The following CRMP1 variants were observed in gnomAD, a reference collection of about 807,000 sequenced individuals.
CRMP1 encodes collapsin response mediator protein 1.
CRMP1 carries 19 observed loss-of-function variants against 68.3 expected under a neutral mutation model. That is an observed-to-expected ratio of 0.28 (90% CI 0.19 to 0.41). The LOEUF is 0.41. Ranked by LOEUF, CRMP1 falls within the 10% of genes least tolerant of loss-of-function variation. The pLI, the probability that CRMP1 is intolerant of heterozygous loss-of-function variation, is 1.00. For synonymous variants in CRMP1, 439 were observed against 399.6 expected (o/e 1.10, Z -1.18); for missense variants, 791 against 967.4 (o/e 0.82, Z 2.42).
At position 5,841,285 on chromosome 4, in the gene CRMP1, A is replaced by G. The variant is rs1391570422; in HGVS notation, c.1153+23T>C. ...CCTTCCAGGCCCCAGCTGCCCCCAG[A>G]AGGCCCAGGGCCGGCTGCATACCTT... is the stretch of plus-strand genomic sequence containing the variant. On this transcript the variant is annotated intron_variant, in intron 8 of 13. Transcript: ENST00000324989. This position sits in a 1 kb window ranked among gnomAD's most constrained non-coding sequence, Gnocchi z 6.9. 1.2e-6 allele frequency: 2 copies of G among 1,613,752 alleles called. No individual in the cohort carries two copies. The highest frequency in any genetic ancestry group is 3.3e-5 in the Admixed American group (2 of 60,014).
chr4:5,842,623 C>A lies in CRMP1; in HGVS notation c.1032+470G>T, dbSNP rs1406449836. Reference sequence around the variant, plus strand: ...TCACACACACACACACACACTCACTCACACACACACACACGCACTGTCTCT... The same window carrying A: ...TCACACACACACACACACACTCACTAACACACACACACACGCACTGTCTCT... On this transcript the variant is annotated intron_variant, in intron 7 of 13. Coordinates refer to ENST00000324989, the MANE Select transcript of CRMP1 (RefSeq NM_001014809.3). The surrounding 1 kb of genome is among the most constrained non-coding windows in gnomAD (Gnocchi z 4.5). Among the ~76,000 whole-genome samples, 2 of 138,262 alleles carry A rather than the reference C, an allele frequency of 1.4e-5. No homozygotes were observed. The highest frequency in any genetic ancestry group is 5.6e-5 in the African/African-American group (2 of 35,662). 90.7% of individuals were successfully genotyped at this position (138,262 alleles called of 152,430 possible).
At chr4:5,851,905 GAGAAAGA>G (rs1268434763) in intron 4 of CRMP1, among the ~76,000 whole-genome samples, 1 of 115,938 alleles carries the variant, frequency 8.6e-6, no homozygotes, top group Non-Finnish European at 1.9e-5. Context: ...GAAGAAAAAG[GAGAAAGA>G]GAAGGAGAAG....
Position 5,861,157 on chromosome 4 carries a change from T to C in CRMP1, c.524A>G (p.Asn175Ser), listed in dbSNP as rs1272674453. ...VPGGVKTIEA[N>S]GRMVIPGGID... ...ACCTCCGGGAATAACCATCCGCCCG[T>C]TGGCTTCAATGGTCTTCACTCCACC... is the stretch of plus-strand genomic sequence containing the variant. Residue 175 changes from asparagine (N) to serine (S), a missense_variant, in exon 3 of 14, where the codon AAC becomes AGC. This residue lies in a region of CRMP1 where 594 missense variants were observed against 763.6 expected (regional missense o/e 0.78). Transcript: ENST00000324989. The surrounding 1 kb of genome is among the most constrained non-coding windows in gnomAD (Gnocchi z 6.0). 6.2e-7 allele frequency: 1 copy of C among 1,614,110 alleles called. No individual in the cohort carries two copies. The highest frequency in any genetic ancestry group is 8.5e-7 in the Non-Finnish European group (1 of 1,180,048).
rs1712802146 is a variant in CRMP1 at position 5,853,294 on chromosome 4, T to A, written c.821-1825A>T. Among the ~76,000 whole-genome samples, 1 of 152,100 alleles carries A rather than the reference T, an allele frequency of 6.6e-6. No homozygotes were observed. Among genetic ancestry groups the A allele is most frequent in the Non-Finnish European group, 1.5e-5 (1 of 68,016 alleles). On this transcript the variant is annotated intron_variant, in intron 4 of 13. Transcript: ENST00000324989. This position sits in a 1 kb window ranked among gnomAD's most constrained non-coding sequence, Gnocchi z 4.7. Reference sequence around the variant, plus strand: ...CGGGTGTGGTGGCAGGTGCCTGTAATCCAAGCTACTTGGGAGGCTGAGGGG... The same window carrying A: ...CGGGTGTGGTGGCAGGTGCCTGTAAACCAAGCTACTTGGGAGGCTGAGGGG...
Position 5,841,062 on chromosome 4 carries a change from C to A in CRMP1, c.1153+246G>T, listed in dbSNP as rs1242189913. Among the ~76,000 whole-genome samples the A allele has an allele frequency of 6.6e-6, 1 of 152,112 alleles. No individual in the cohort carries two copies. The highest frequency in any genetic ancestry group is 2.4e-5 in the African/African-American group (1 of 41,406). On this transcript the variant is annotated intron_variant, in intron 8 of 13. Transcript: ENST00000324989. This position sits in a 1 kb window ranked among gnomAD's most constrained non-coding sequence, Gnocchi z 6.9. ...TGACATGCTGAATTAATATGTGGAT[C>A]CATTAGATTAAACATAATATATTAT...
rs78809025 is a variant in CRMP1, at chr4:5,874,287, C to T, written c.382-7531G>A. Among the ~76,000 whole-genome samples, 399 of 152,236 alleles carry T rather than the reference C, an allele frequency of 2.6e-3. 2 individuals carry two copies. Among genetic ancestry groups the T allele is most frequent in the African/African-American group, 8.9e-3 (371 of 41,544 alleles). The stretch of plus-strand genomic sequence containing the variant: ...AATATCTTCCAGGAAGTTTTAAGCA[C>T]GAACAAAAGTGCTAGATAATAAAAT... On this transcript the variant is annotated intron_variant, in intron 1 of 13. Transcript: ENST00000324989.
rs942870851 is a variant in CRMP1, at chr4:5,879,350, A to C, written c.382-12594T>G. On this transcript the variant is annotated intron_variant, in intron 1 of 13. Transcript: ENST00000324989. The surrounding 1 kb of genome is among the most constrained non-coding windows in gnomAD (Gnocchi z 4.2). ...GTCTTGAGTCCAGGATCACAAGGTCACTCCTTGGAGTTCCCACAACATGAG... is the reference window on the plus strand; with the variant it reads ...GTCTTGAGTCCAGGATCACAAGGTCCCTCCTTGGAGTTCCCACAACATGAG... 6.6e-6 allele frequency among the ~76,000 whole-genome samples: 1 copy of C among 151,812 alleles called. No homozygotes were observed. The highest frequency in any genetic ancestry group is 2.4e-5 in the African/African-American group (1 of 41,284).
At chr4:5,851,105 A>G (rs1314005522) in intron 5 of CRMP1, among the ~76,000 whole-genome samples, 1 of 152,238 alleles carries the variant, frequency 6.6e-6, no homozygotes, top group East Asian at 1.9e-4. Flanking sequence ...AACACCCAAC[A>G]TCTGGAACAT....
rs1358576657 is a variant in CRMP1 at position 5,850,547 on chromosome 4, A to G, written c.882+861T>C. On this transcript the variant is annotated intron_variant, in intron 5 of 13. Coordinates refer to ENST00000324989, the MANE Select transcript of CRMP1 (RefSeq NM_001014809.3). The surrounding 1 kb of genome is among the most constrained non-coding windows in gnomAD (Gnocchi z 4.4). ...CCATCTATCTTCATGGTAATAACCA[A>G]TTACCCTGCTAACTGATGCCTGTAT... 6.6e-6 allele frequency among the ~76,000 whole-genome samples: 1 copy of G among 152,160 alleles called. No homozygotes were observed. The highest frequency in any genetic ancestry group is 2.4e-5 in the African/African-American group (1 of 41,446).
intron 1 of CRMP1, chr4:5,887,357 C>T: frequency 1.0e-6 from 1 of 985,662 alleles, no homozygotes; most frequent in South Asian, 4.7e-5. Flanking sequence ...GCCCAGAATC[C>T]CGCCTCCCGG....
chr4:5,892,816 C>A lies in CRMP1; in HGVS notation c.154G>T (p.Ala52Ser). 7.1e-7 allele frequency: 1 copy of A among 1,399,656 alleles called. No homozygotes were observed. 86.7% of individuals were successfully genotyped at this position (1,399,656 alleles called of 1,614,324 possible). Residue 52 changes from alanine to serine, a missense_variant, in exon 1 of 14, where the codon GCC becomes TCC. This residue lies in a region of CRMP1 where 193 missense variants were observed against 186.3 expected (regional missense o/e 1.04). Coordinates refer to ENST00000324989, the MANE Select transcript of CRMP1 (RefSeq NM_001014809.3). The surrounding 1 kb of genome is among the most constrained non-coding windows in gnomAD (Gnocchi z 8.6). ...GAGCCGCGGCGGCCCACACTGTAGGCGTCGAAGTCGATGGTCTTGTTCTCG... is the reference window on the plus strand; with the variant it reads ...GAGCCGCGGCGGCCCACACTGTAGGAGTCGAAGTCGATGGTCTTGTTCTCG... ...AYENKTIDFD[A>S]YSVGRRGSAR...
At chr4:5,880,856 T>C (rs1056474875) in intron 1 of CRMP1, among the ~76,000 whole-genome samples, 1 of 152,214 alleles carries the variant, frequency 6.6e-6, no homozygotes, top group African/African-American at 2.4e-5. Flanking sequence ...AAGTCCACAA[T>C]CTTGCTCCCA....
At chr4:5,833,318 C>T (rs974166264) in intron 11 of CRMP1, among the ~76,000 whole-genome samples, 2 of 133,130 alleles carry the variant, frequency 1.5e-5, no homozygotes, top group African/African-American at 6.0e-5. Flanking sequence ...AGGCGCCCGC[C>T]ACTACGCCCG....
rs543729264 is a variant in CRMP1 at position 5,836,218 on chromosome 4, G to A, written c.1453-133C>T. 91 of 747,896 alleles carry A rather than the reference G, an allele frequency of 1.2e-4. 1 individual carries two copies. Among genetic ancestry groups the A allele is most frequent in the Non-Finnish European group, 1.4e-4 (77 of 531,730 alleles). 46.3% of individuals were successfully genotyped at this position (747,896 alleles called of 1,614,324 possible). On this transcript the variant is annotated intron_variant, in intron 10 of 13. Coordinates refer to ENST00000324989, the MANE Select transcript of CRMP1 (RefSeq NM_001014809.3). ...ATTCTCTCCTCTCCCAGCTAAAAAC[G>A]TGCCATCATCAAGAACCCCAGAAGG...
rs1347810294 is a variant in CRMP1, at chr4:5,860,099, G to C, written c.655+927C>G. Reference sequence around the variant, plus strand: ...AGCACTGCTGGGGAGTGGTCTCACTGCCCGCAGTGTTTCCTTCCCTCCCCA... The same window carrying C: ...AGCACTGCTGGGGAGTGGTCTCACTCCCCGCAGTGTTTCCTTCCCTCCCCA... On this transcript the variant is annotated intron_variant, in intron 3 of 13. Coordinates refer to ENST00000324989, the MANE Select transcript of CRMP1 (RefSeq NM_001014809.3). This position sits in a 1 kb window ranked among gnomAD's most constrained non-coding sequence, Gnocchi z 4.2. 6.6e-6 allele frequency among the ~76,000 whole-genome samples: 1 copy of C among 152,124 alleles called. No individual in the cohort carries two copies. Among genetic ancestry groups the C allele is most frequent in the Non-Finnish European group, 1.5e-5 (1 of 68,030 alleles).
At position 5,889,147 on chromosome 4, in the gene CRMP1, C is replaced by A. The variant is rs563240482; in HGVS notation, c.381+3442G>T. Among the ~76,000 whole-genome samples, 1 of 152,150 alleles carries A rather than the reference C, an allele frequency of 6.6e-6. No individual in the cohort carries two copies. The highest frequency in any genetic ancestry group is 2.4e-5 in the African/African-American group (1 of 41,428). ...CCACCCTCTCCATCCTAGCATTGAA[C>A]CAGCCCTCCCTGGGGGCCTCTAAGG... On this transcript the variant is annotated intron_variant, in intron 1 of 13. Transcript: ENST00000324989. The surrounding 1 kb of genome is among the most constrained non-coding windows in gnomAD (Gnocchi z 4.5).
At chr4:5,868,970 G>A (rs4396940) in intron 1 of CRMP1, among the ~76,000 whole-genome samples, 57,765 of 151,244 alleles carry the variant, frequency 0.38, 13,737 homozygotes, top group East Asian at 0.74. Flanking sequence ...TCTTTTTTTC[G>A]AGACAGAGTC....
At chr4:5,874,751 A>C (rs982618758) in intron 1 of CRMP1, among the ~76,000 whole-genome samples, 3 of 152,220 alleles carry the variant, frequency 2.0e-5, no homozygotes, top group African/African-American at 7.2e-5. Context: ...GAAAGATGGA[A>C]GGAGGAGGAA....
In CRMP1 at chr4:5,866,770, C is replaced by A; in HGVS notation, c.382-14G>T. ...GAGTCGGTCACTCTGCAAAGCAAGG[C>A]AAAGTATTAAGGATCCTTGGTGAAA... is the stretch of plus-strand genomic sequence containing the variant. On this transcript the variant is annotated splice_polypyrimidine_tract_variant and intron_variant, in intron 1 of 13. Coordinates refer to ENST00000324989, the MANE Select transcript of CRMP1 (RefSeq NM_001014809.3). The surrounding 1 kb of genome is among the most constrained non-coding windows in gnomAD (Gnocchi z 5.9). 3 of 1,595,248 alleles carry A rather than the reference C, an allele frequency of 1.9e-6. No homozygotes were observed. Among genetic ancestry groups the A allele is most frequent in the Non-Finnish European group, 1.7e-6 (2 of 1,168,218 alleles).
Sources: gnomAD v4.1 joint callset for allele counts (sites outside exome capture counted in the v4.1 genomes callset) on GRCh38, gnomAD v4.1.1 for gene constraint, gnomAD v4.1.1 regional missense constraint, Gnocchi (gnomAD v3.1) non-coding constraint, MANE v1.5 for transcripts, NCBI Gene and HGNC (gene_info 2026-07-23, HGNC 2026-07-21) for gene names.